Variants in IRGC observed in about 807,000 individuals in gnomAD.
IRGC encodes the protein interferon-inducible GTPase 5.
In IRGC, 4 loss-of-function variants were observed where a neutral mutation model predicts 16.1. The ratio of observed to expected loss-of-function variants is 0.25; its 90% confidence interval spans 0.12 to 0.57. The LOEUF (loss-of-function observed/expected upper bound fraction) is 0.57, where lower values mean the gene tolerates loss of function less well. Ranked by LOEUF, IRGC falls within the 20% of genes least tolerant of loss-of-function variation. The pLI, the probability that IRGC is intolerant of heterozygous loss-of-function variation, is 0.92. For synonymous variants in IRGC, 307 were observed against 299.5 expected, an observed-to-expected ratio of 1.03 and a Z score of -0.26; for missense variants, 570 against 643.9, an observed-to-expected ratio of 0.89 and a Z score of 1.24.
intron 1 of IRGC, among the ~76,000 whole-genome samples, chr19:43,716,584 C>G (rs113929598): frequency 0.055 from 8,408 of 152,164 alleles, 764 homozygotes; most frequent in African/African-American, 0.19. Context: ...GTGATCCACC[C>G]ACCTCGGCCT....
At chr19:43,718,248 T>C (rs1332669257) in intron 1 of IRGC, 4 of 307,884 alleles carry the variant, frequency 1.3e-5, no homozygotes, top group African/African-American at 8.8e-5. Context: ...GTCATGCCCA[T>C]TACCCAGAGA....
At chr19:43,718,425 T>G in intron 1 of IRGC, 68 bp from the exon 2 acceptor site, 1 of 1,449,276 alleles carries the variant, frequency 6.9e-7, no homozygotes, top group South Asian at 1.6e-5. Flanking sequence ...TTCACATCCG[T>G]GGTATCTGTC....
Position 43,719,938 on chromosome 19 carries a change from A to C in IRGC, c.1380A>C (p.Ser460=). The C allele has an allele frequency of 6.2e-7, 1 of 1,613,328 alleles. No homozygotes were observed. Among genetic ancestry groups the C allele is most frequent in the Non-Finnish European group, 8.5e-7 (1 of 1,180,034 alleles). Residue 460 remains serine (S), a synonymous_variant, in exon 2 of 2, where the codon TCA becomes TCC. Coordinates refer to ENST00000244314, the MANE Select transcript of IRGC (RefSeq NM_019612.4). The part of the protein sequence containing the change: ...YILDSWKKHD[S]EEK Reference sequence around the variant, plus strand: ...TGGACAGCTGGAAGAAACACGACTCAGAAGAGAAATAAAGAGTGCAGCCCC... The same window carrying C: ...TGGACAGCTGGAAGAAACACGACTCCGAAGAGAAATAAAGAGTGCAGCCCC...
rs757576470 is a variant in IRGC, at chr19:43,718,562, G to A, written c.4G>A (p.Ala2Thr). The A allele has an allele frequency of 1.3e-6, 2 of 1,567,872 alleles. No individual in the cohort carries two copies. The highest frequency in any genetic ancestry group is 1.7e-6 in the Non-Finnish European group (2 of 1,154,512). M[A>T]TSKLPVVPGE... The stretch of plus-strand genomic sequence containing the variant: ...ACCCTCTGAACCACTGGCCACCATG[G>A]CTACTTCAAAGTTGCCCGTGGTGCC... Residue 2 changes from alanine to threonine, a missense_variant, in exon 2 of 2, where the codon GCT (alanine) becomes ACT (threonine). Physicochemically the swap from Ala to Thr is moderately conservative, Grantham distance 58 (BLOSUM62 0). Coordinates refer to ENST00000244314, the MANE Select transcript of IRGC (RefSeq NM_019612.4).
At position 43,717,595 on chromosome 19, in the gene IRGC, C is replaced by T. The variant is rs562552482; in HGVS notation, c.-66-898C>T. On this transcript the variant is annotated intron_variant, in intron 1 of 1. Transcript: ENST00000244314. ...GATTTGATCCCAGGCAGTCTGGCTCCGGGTCTGGGTCCCCTCCACCCTACC... is the reference window on the plus strand; with the variant it reads ...GATTTGATCCCAGGCAGTCTGGCTCTGGGTCTGGGTCCCCTCCACCCTACC... 2.8e-4 allele frequency among the ~76,000 whole-genome samples: 43 copies of T among 152,250 alleles called. 2 individuals carry two copies. The South Asian group carries it at 3.7e-3, about 13-fold the overall frequency.
chr19:43,718,054 G>C (rs778011562), intron 1 of IRGC, among the ~76,000 whole-genome samples: 16 of 152,176 alleles, frequency 1.1e-4, no homozygotes, highest in Non-Finnish European at 2.4e-4. Flanking sequence ...CGATGACAGA[G>C]AGACCCTGTC....
chr19:43,718,753 G>C lies in IRGC; in HGVS notation c.195G>C (p.Ala65=), dbSNP rs372095741. 2 of 1,612,710 alleles carry C rather than the reference G, an allele frequency of 1.2e-6. No individual in the cohort carries two copies. The highest frequency in any genetic ancestry group is 1.1e-5 in the South Asian group (1 of 91,030). The change falls in exon 2 of 2, where the codon GCG becomes GCC. Residue 65 remains alanine (A), a synonymous_variant. Coordinates refer to ENST00000244314, the MANE Select transcript of IRGC (RefSeq NM_019612.4). ...TGGGCGTCACGGGCGAGTCGGGCGCGGGCAAGTCCTCCCTCATCAATGCCC... is the reference window on the plus strand; with the variant it reads ...TGGGCGTCACGGGCGAGTCGGGCGCCGGCAAGTCCTCCCTCATCAATGCCC... ...LEVGVTGESG[A]GKSSLINALR...
Position 43,719,242 on chromosome 19 carries a change from G to C in IRGC, c.684G>C (p.Leu228=), listed in dbSNP as rs1273259726. 6.2e-7 allele frequency: 1 copy of C among 1,610,198 alleles called. No individual in the cohort carries two copies. The highest frequency in any genetic ancestry group is 2.2e-5 in the East Asian group (1 of 44,854). The change falls in exon 2 of 2, where the codon CTG becomes CTC. Residue 228 remains leucine, a synonymous_variant. Coordinates refer to ENST00000244314, the MANE Select transcript of IRGC (RefSeq NM_019612.4). ...CGGCCCGCTACGACTTTCCCACGCT[G>C]GTGTCCACCTGGGAGCACGACCTGC... ...LSPARYDFPT[L]VSTWEHDLPS... is the part of the protein sequence containing the mutation.
At position 43,719,773 on chromosome 19, in the gene IRGC, G is replaced by A. The variant is rs1968243604; in HGVS notation, c.1215G>A (p.Glu405=). 6.2e-7 allele frequency: 1 copy of A among 1,613,908 alleles called. No individual in the cohort carries two copies. The highest frequency in any genetic ancestry group is 8.5e-7 in the Non-Finnish European group (1 of 1,179,924). The change falls in exon 2 of 2, where the codon GAG becomes GAA. Residue 405 remains glutamate (E), a synonymous_variant. Transcript: ENST00000244314. Reference sequence around the variant, plus strand: ...AGCGTGTCCGCATCAAGGCCCTGGAGGATGACGAGCCGCAGCCGGAGGTCA... The same window carrying A: ...AGCGTGTCCGCATCAAGGCCCTGGAAGATGACGAGCCGCAGCCGGAGGTCA... ...DAQRVRIKAL[E]DDEPQPEVSL...
rs773063677 is a variant in IRGC at position 43,716,092 on chromosome 19, G to A, written c.-117G>A. ...TCTGACCTTGGCTAAGAGGGAAGGA[G>A]ATCCTATCAGTGGGGAGAGTGTGAG... On this transcript the variant is annotated 5_prime_UTR_variant, in exon 1 of 2. Transcript: ENST00000244314. The A allele has an allele frequency of 5.2e-5, 8 of 152,448 alleles. No homozygotes were observed. Among genetic ancestry groups the A allele is most frequent in the Non-Finnish European group, 8.8e-5 (6 of 68,208 alleles). 9.4% of individuals were successfully genotyped at this position (152,448 alleles called of 1,614,324 possible). A position where few individuals can be genotyped will look rare whatever the true frequency, so the allele number is the denominator to read the frequency against.
rs1416181980 is a variant in IRGC, at chr19:43,719,686, C to T, written c.1128C>T (p.Ile376=). 1 of 1,611,456 alleles carries T rather than the reference C, an allele frequency of 6.2e-7. No homozygotes were observed. Among genetic ancestry groups the T allele is most frequent in the Non-Finnish European group, 8.5e-7 (1 of 1,179,878 alleles). The change falls in exon 2 of 2, where the codon ATC becomes ATT. Residue 376 remains isoleucine (I), a synonymous_variant. Transcript: ENST00000244314. ...PVFGTLVAGG[I]SFGAVYTMLQ... is the part of the protein sequence containing the mutation. Reference sequence around the variant, plus strand: ...TTGGGACGCTGGTGGCTGGCGGCATCAGCTTTGGCGCTGTCTACACCATGC... The same window carrying T: ...TTGGGACGCTGGTGGCTGGCGGCATTAGCTTTGGCGCTGTCTACACCATGC...
intron 1 of IRGC, among the ~76,000 whole-genome samples, chr19:43,717,652 G>C (rs1968191293): frequency 6.6e-6 from 1 of 152,174 alleles, no homozygotes; most frequent in South Asian, 2.1e-4. Context: ...GAGTGCAGCT[G>C]TTTCCTCTGA....
In IRGC at chr19:43,719,513, G is replaced by A. The variant is rs371517810; in HGVS notation, c.955G>A (p.Val319Met). ...CTCGCTGGCCAAGCTGGCCGAGCAG[G>A]TGGGCAAACAGGCAGGTGACCTGCG... ...DDSLAKLAEQ[V>M]GKQAGDLRSV... is the part of the protein sequence containing the mutation. Residue 319 changes from valine (V) to methionine (M), a missense_variant, in exon 2 of 2, where the codon GTG (valine) becomes ATG (methionine). Val to Met is a conservative substitution (Grantham distance 21). Coordinates refer to ENST00000244314, the MANE Select transcript of IRGC (RefSeq NM_019612.4). 1.1e-4 allele frequency: 176 copies of A among 1,604,022 alleles called. No homozygotes were observed. The highest frequency in any genetic ancestry group is 1.4e-4 in the Non-Finnish European group (167 of 1,179,464).
At chr19:43,716,396 G>A (rs887833700) in intron 1 of IRGC, among the ~76,000 whole-genome samples, 10 of 150,284 alleles carry the variant, frequency 6.7e-5, no homozygotes, top group African/African-American at 9.8e-5. Context: ...ACGGAGTCTC[G>A]CTCTGTCGCC....
Position 43,718,606 on chromosome 19 carries a change from C to T in IRGC, c.48C>T (p.Thr16=), listed in dbSNP as rs1207816676. ...LPVVPGEEEN[T]ILMAKERLEA... is the part of the protein sequence containing the mutation. ...TGGTGCCTGGGGAGGAGGAAAACAC[C>T]ATCCTTATGGCCAAGGAAAGGCTGG... Residue 16 remains threonine, a synonymous_variant, in exon 2 of 2, where the codon ACC becomes ACT. Coordinates refer to ENST00000244314, the MANE Select transcript of IRGC (RefSeq NM_019612.4). 1.9e-6 allele frequency: 3 copies of T among 1,607,878 alleles called. No individual in the cohort carries two copies. Among genetic ancestry groups the T allele is most frequent in the South Asian group, 1.1e-5 (1 of 90,464 alleles).
intron 1 of IRGC, 29 bp from the exon 2 acceptor site, chr19:43,718,464 G>A (rs1968203473): frequency 6.7e-7 from 1 of 1,496,662 alleles, no homozygotes; most frequent in Non-Finnish European, 8.9e-7. Context: ...AGGCCCAGGA[G>A]GTGTGAATGG....
Position 43,719,579 on chromosome 19 carries a change from G to A in IRGC, c.1021G>A (p.Glu341Lys). Residue 341 changes from glutamate to lysine, a missense_variant, in exon 2 of 2, where the codon GAG (glutamate) becomes AAG (lysine). Transcript: ENST00000244314. ...RSPLANEVSP[E>K]TVLRLYSQSS... Reference sequence around the variant, plus strand: ...CCCACTGGCCAACGAGGTCTCGCCTGAGACTGTCCTGCGGCTCTATTCCCA... The same window carrying A: ...CCCACTGGCCAACGAGGTCTCGCCTAAGACTGTCCTGCGGCTCTATTCCCA... 6.2e-7 allele frequency: 1 copy of A among 1,602,490 alleles called. No individual in the cohort carries two copies.
Position 43,718,940 on chromosome 19 carries a change from C to A in IRGC, c.382C>A (p.Gln128Lys). ...CTGCCCGGCTGACAAGTACCTAAAGCAGGTAGACTTCAGCCGCTATGACTT... is the reference window on the plus strand; with the variant it reads ...CTGCCCGGCTGACAAGTACCTAAAGAAGGTAGACTTCAGCCGCTATGACTT... ...PGCPADKYLKQVDFSRYDFFL... is the reference protein window; with the variant it reads ...PGCPADKYLKKVDFSRYDFFL... Residue 128 changes from glutamine to lysine, a missense_variant, in exon 2 of 2, where the codon CAG (glutamine) becomes AAG (lysine). Physicochemically the swap from Gln to Lys is moderately conservative, Grantham distance 53. Coordinates refer to ENST00000244314, the MANE Select transcript of IRGC (RefSeq NM_019612.4). 1.2e-6 allele frequency: 2 copies of A among 1,612,238 alleles called. No individual in the cohort carries two copies. The highest frequency in any genetic ancestry group is 1.1e-5 in the South Asian group (1 of 90,950).
In IRGC at chr19:43,719,098, G is replaced by A; in HGVS notation, c.540G>A (p.Gln180=). 6.2e-7 allele frequency: 1 copy of A among 1,609,836 alleles called. No homozygotes were observed. The highest frequency in any genetic ancestry group is 8.5e-7 in the Non-Finnish European group (1 of 1,178,012). Reference sequence around the variant, plus strand: ...AGGACCTGGCGGCCACGCGCACCCAGCGGCCGTCGGGCTTCAGAGAGGCCG... The same window carrying A: ...AGGACCTGGCGGCCACGCGCACCCAACGGCCGTCGGGCTTCAGAGAGGCCG... The part of the protein sequence containing the change: ...VDEDLAATRT[Q]RPSGFREAAV... The change falls in exon 2 of 2, where the codon CAG becomes CAA. Residue 180 remains glutamine, a synonymous_variant. Coordinates refer to ENST00000244314, the MANE Select transcript of IRGC (RefSeq NM_019612.4).
Sources: allele counts gnomAD v4.1 joint callset (sites outside exome capture counted in the v4.1 genomes callset), GRCh38; gene constraint gnomAD v4.1.1; transcripts MANE v1.5; gene names NCBI Gene and HGNC (gene_info 2026-07-23, HGNC 2026-07-21).